Variants in MARK3 observed in about 807,000 individuals in gnomAD.
The protein encoded by MARK3 is MAP/microtubule affinity-regulating kinase 3.
A neutral mutation model predicts 90.1 loss-of-function variants in MARK3; 46 were observed. The ratio of observed to expected loss-of-function variants is 0.51; its 90% CI spans 0.40 to 0.65. The LOEUF (loss-of-function observed/expected upper bound fraction) is 0.65, where lower values mean the gene tolerates loss of function less well. Ranked by LOEUF, MARK3 falls within the 30% of genes least tolerant of loss-of-function variation. The pLI is 0.00. For missense variants in MARK3, 818 were observed against 947.2 expected, an observed-to-expected ratio of 0.86 and a Z score of 1.79; for synonymous variants, 321 against 332.6, an observed-to-expected ratio of 0.97 and a Z score of 0.38.
At chr14:103,451,411 A>G (rs1205393210) in intron 4 of MARK3, among the ~76,000 whole-genome samples, 1 of 152,162 alleles carries the variant, frequency 6.6e-6, no homozygotes, top group Non-Finnish European at 1.5e-5. Flanking sequence ...CATCTTTGGC[A>G]TCAGAAAAGT....
intron 2 of MARK3, among the ~76,000 whole-genome samples, chr14:103,419,237 G>A (rs1355597120): frequency 6.6e-6 from 1 of 152,142 alleles, no homozygotes; most frequent in African/African-American, 2.4e-5. Context: ...CTTGCAGTGA[G>A]CCGAGATTGT....
At position 103,385,921 on chromosome 14, in the gene MARK3, C is replaced by T; in HGVS notation, c.-109C>T. ...AGGGGGAAGGGAGCCGCCCTCCCCA[C>T]GGCGCCTTTTCGGAACTGCCGTGGA... is the stretch of plus-strand genomic sequence containing the variant. On this transcript the variant is annotated 5_prime_UTR_variant, in exon 1 of 18. It adds an upstream start codon to the 5' untranslated region. Transcript: ENST00000429436. The T allele has an allele frequency of 1.2e-6, 1 of 860,118 alleles. No individual in the cohort carries two copies. Among genetic ancestry groups the T allele is most frequent in the Non-Finnish European group, 2.0e-6 (1 of 503,240 alleles). 53.3% of individuals were successfully genotyped at this position (860,118 alleles called of 1,614,324 possible). A position where few individuals can be genotyped will look rare whatever the true frequency, so the allele number is the denominator to read the frequency against.
Position 103,385,957 on chromosome 14 carries a change from C to T in MARK3, c.-73C>T. ...CGGAACTGCCGTGGACTCGAGGACG[C>T]TGGTCGCCGGCCTCCTAGGGCTGTG... On this transcript the variant is annotated 5_prime_UTR_variant, in exon 1 of 18. Coordinates refer to ENST00000429436, the MANE Select transcript of MARK3 (RefSeq NM_001128918.3). 7.8e-7 allele frequency: 1 copy of T among 1,281,272 alleles called. No homozygotes were observed. Among genetic ancestry groups the T allele is most frequent in the Admixed American group, 1.7e-5 (1 of 59,220 alleles). The allele number at this position is 1,281,272 out of a possible 1,614,324, so 79.4% of individuals were successfully genotyped here. A position where few individuals can be genotyped will look rare whatever the true frequency, so the allele number is the denominator to read the frequency against.
chr14:103,465,414 T>C (rs1162955331), intron 7 of MARK3, 143 bp from the exon 8 acceptor site: 4 of 619,406 alleles, frequency 6.5e-6, no homozygotes, highest in Non-Finnish European at 1.1e-5. Flanking sequence ...TCTCCTGTTT[T>C]TTTCTCTAGA....
At chr14:103,436,837 C>G (rs1245189391) in intron 3 of MARK3, among the ~76,000 whole-genome samples, 2 of 152,152 alleles carry the variant, frequency 1.3e-5, no homozygotes, top group African/African-American at 4.8e-5. Flanking sequence ...CTCCTGTAAT[C>G]CCAGCACTTT....
At chr14:103,441,867 A>G (rs2092865836) in intron 3 of MARK3, among the ~76,000 whole-genome samples, 1 of 152,186 alleles carries the variant, frequency 6.6e-6, no homozygotes, top group African/African-American at 2.4e-5. Flanking sequence ...TTGAAAAGCA[A>G]TTATTTTTAT....
At chr14:103,434,174 A>C (rs2092659891) in intron 3 of MARK3, among the ~76,000 whole-genome samples, 1 of 152,240 alleles carries the variant, frequency 6.6e-6, no homozygotes, top group African/African-American at 2.4e-5. Flanking sequence ...GATCACACCA[A>C]GCATTTAGAG....
chr14:103,443,029 AAC>A (rs753097827), intron 3 of MARK3, among the ~76,000 whole-genome samples: 3 of 151,740 alleles, frequency 2.0e-5, no homozygotes, highest in Non-Finnish European at 4.4e-5. Flanking sequence ...AGGGAGAGAA[AAC>A]ACAGAAAAAT....
intron 1 of MARK3, among the ~76,000 whole-genome samples, chr14:103,397,373 C>T (rs1207521691): frequency 6.8e-6 from 1 of 147,486 alleles, no homozygotes; most frequent in African/African-American, 2.5e-5. Flanking sequence ...GTCACCCAGA[C>T]TGGAGTGCAG....
chr14:103,451,860 T>C, intron 4 of MARK3, 58 bp from the exon 5 acceptor site: 1 of 1,201,914 alleles, frequency 8.3e-7, no homozygotes, highest in Non-Finnish European at 1.2e-6. Flanking sequence ...TATATGTGCA[T>C]GGTTTGTGCA....
At chr14:103,486,116 A>C (rs11628213) in intron 14 of MARK3, among the ~76,000 whole-genome samples, 39,645 of 151,678 alleles carry the variant, frequency 0.26, 6,437 homozygotes, top group Middle Eastern at 0.45. Context: ...GCAACATGGT[A>C]AAATTCCATC....
intron 2 of MARK3, among the ~76,000 whole-genome samples, chr14:103,420,152 T>C (rs1307152202): frequency 2.0e-5 from 3 of 152,156 alleles, no homozygotes; most frequent in Non-Finnish European, 2.9e-5. Context: ...CCTGGAGGTA[T>C]GGTTAATGTG....
chr14:103,400,677 G>A (rs1422763366), intron 1 of MARK3, among the ~76,000 whole-genome samples: 2 of 152,028 alleles, frequency 1.3e-5, no homozygotes, highest in Non-Finnish European at 2.9e-5. Flanking sequence ...CAGGAGGATT[G>A]CTTGAGGCCA....
chr14:103,418,998 G>A (rs2092084424), intron 2 of MARK3, among the ~76,000 whole-genome samples: 1 of 152,134 alleles, frequency 6.6e-6, no homozygotes, highest in Admixed American at 6.5e-5. Context: ...CCTTTAAATT[G>A]AAAATTGAGG....
chr14:103,455,529 C>CG (rs1464903189), intron 5 of MARK3, among the ~76,000 whole-genome samples: 1 of 152,046 alleles, frequency 6.6e-6, no homozygotes, highest in Non-Finnish European at 1.5e-5. Flanking sequence ...GAGTTCGAGA[C>CG]CAGCCTGGCC....
At chr14:103,420,523 A>G (rs541005205) in intron 2 of MARK3, among the ~76,000 whole-genome samples, 1 of 152,248 alleles carries the variant, frequency 6.6e-6, no homozygotes, top group Non-Finnish European at 1.5e-5. Flanking sequence ...GAGCCACCAC[A>G]CCTGGCCAAC....
chr14:103,391,176 A>G (rs2140457850), intron 1 of MARK3, among the ~76,000 whole-genome samples: 1 of 152,316 alleles, frequency 6.6e-6, no homozygotes, highest in Middle Eastern at 3.4e-3. Context: ...CTGACCAGGA[A>G]TGCTACTAAA....
chr14:103,461,031 A>G (rs538270686), intron 6 of MARK3, among the ~76,000 whole-genome samples: 131 of 152,338 alleles, frequency 8.6e-4, no homozygotes, highest in Non-Finnish European at 1.6e-3. Flanking sequence ...TCCTAACCCC[A>G]GTTCACCTTG....
At chr14:103,497,220 C>G (rs1323516861) in intron 15 of MARK3, among the ~76,000 whole-genome samples, 2 of 152,130 alleles carry the variant, frequency 1.3e-5, no homozygotes, top group African/African-American at 4.8e-5. Context: ...TACTACTGAT[C>G]TGATTATGAA....
Sources: gnomAD v4.1 joint callset for allele counts (sites outside exome capture counted in the v4.1 genomes callset) on GRCh38, gnomAD v4.1.1 for gene constraint, MANE v1.5 for transcripts, NCBI Gene and HGNC (gene_info 2026-07-23, HGNC 2026-07-21) for gene names.